Variants in WDR7 observed in about 807,000 individuals in gnomAD.
The protein encoded by WDR7 is WD repeat-containing protein 7.
Under a neutral mutation model 169.4 loss-of-function variants are expected in WDR7, and 46 were observed. The ratio of observed to expected loss-of-function variants is 0.27; its 90% CI spans 0.21 to 0.35. The LOEUF (loss-of-function observed/expected upper bound fraction) is 0.35, where lower values mean the gene tolerates loss of function less well. Among genes scored for constraint, WDR7 ranks in the 10% least tolerant of loss-of-function variants. The pLI is 1.00. For missense variants in WDR7, 1,534 were observed against 1,859.3 expected (o/e 0.83, Z 3.22); for synonymous variants, 612 against 666.8 (o/e 0.92, Z 1.27).
intron 12 of WDR7, among the ~76,000 whole-genome samples, chr18:56,704,090 A>G (rs1388140849): frequency 2.0e-5 from 3 of 152,190 alleles, no homozygotes; most frequent in Admixed American, 2.0e-4. Context: ...CTGTATGTAG[A>G]GCATATGTAA....
intron 16 of WDR7, among the ~76,000 whole-genome samples, chr18:56,772,648 T>C (rs1232210222): frequency 6.6e-6 from 1 of 151,946 alleles, no homozygotes; most frequent in Non-Finnish European, 1.5e-5. Flanking sequence ...CATAGAGATA[T>C]TTATCTCTCT....
At chr18:56,928,148 A>G (rs1459543571) in intron 22 of WDR7, among the ~76,000 whole-genome samples, 1 of 152,318 alleles carries the variant, frequency 6.6e-6, no homozygotes, top group East Asian at 1.9e-4. Context: ...TAGAACTTAA[A>G]CTGGGATTCT....
At chr18:56,936,858 A>G (rs1474237620) in intron 23 of WDR7, among the ~76,000 whole-genome samples, 2 of 152,200 alleles carry the variant, frequency 1.3e-5, no homozygotes, top group Admixed American at 1.3e-4. Flanking sequence ...ATAATGTTAT[A>G]GTAAGGTTCC....
intron 3 of WDR7, among the ~76,000 whole-genome samples, chr18:56,679,985 A>G (rs935788559): frequency 2.0e-5 from 3 of 152,178 alleles, no homozygotes; most frequent in Admixed American, 1.3e-4. Context: ...TTTTCAAAAC[A>G]TTTTTTGGTG....
chr18:57,016,408 G>C (rs972707942), intron 26 of WDR7, among the ~76,000 whole-genome samples: 3 of 152,042 alleles, frequency 2.0e-5, no homozygotes, highest in African/African-American at 7.3e-5. Context: ...TTAAGAAAAT[G>C]GTTTAGATAG....
intron 20 of WDR7, among the ~76,000 whole-genome samples, chr18:56,843,272 A>G (rs1166894917): frequency 6.6e-6 from 1 of 152,178 alleles, no homozygotes; most frequent in Non-Finnish European, 1.5e-5. Context: ...CAGCGGTGTT[A>G]AGTATGTACA....
chr18:56,957,164 A>T (rs1333577574), intron 25 of WDR7: 1 of 152,206 alleles, frequency 6.6e-6, no homozygotes, highest in African/African-American at 2.4e-5. Flanking sequence ...CAAGAATGAC[A>T]TGAGATCCAT....
intron 21 of WDR7, among the ~76,000 whole-genome samples, chr18:56,890,006 ATGTGCATT>A: frequency 6.6e-6 from 1 of 152,282 alleles, no homozygotes; most frequent in Middle Eastern, 3.4e-3. Context: ...AGCCACATTT[ATGTGCATT>A]TGTGGTTTTT....
In WDR7 at chr18:56,935,314, A is replaced by G. The variant is rs575094748; in HGVS notation, c.3714-474A>G. ...TTCAAATGAAAAATAATATACAAAC[A>G]AAAAATAATTTTGTCATTCTCAGTA... On this transcript the variant is annotated intron_variant, in intron 22 of 27. Transcript: ENST00000254442. Among the ~76,000 whole-genome samples, 5 of 152,346 alleles carry G rather than the reference A, an allele frequency of 3.3e-5. No homozygotes were observed. The East Asian group carries it at 9.6e-4, about 29-fold the overall frequency.
chr18:56,755,855 ATTCT>A (rs2043877527), intron 14 of WDR7, among the ~76,000 whole-genome samples: 1 of 152,106 alleles, frequency 6.6e-6, no homozygotes, highest in South Asian at 2.1e-4. Context: ...GTGGCTTCTT[ATTCT>A]TTCTTTTAGT....
chr18:56,752,375 G>A (rs930839874), intron 14 of WDR7, among the ~76,000 whole-genome samples: 1 of 151,978 alleles, frequency 6.6e-6, no homozygotes, highest in South Asian at 2.1e-4. Context: ...TCTTCCATGC[G>A]GGTTTCCCGG....
intron 20 of WDR7, among the ~76,000 whole-genome samples, chr18:56,828,498 TAG>T (rs2045251135): frequency 6.6e-6 from 1 of 152,174 alleles, no homozygotes; most frequent in Admixed American, 6.5e-5. Context: ...TACTAGACTT[TAG>T]AAAACATGTT....
intron 26 of WDR7, among the ~76,000 whole-genome samples, chr18:56,972,426 T>A (rs1031364758): frequency 6.6e-6 from 1 of 152,210 alleles, no homozygotes; most frequent in Non-Finnish European, 1.5e-5. Flanking sequence ...AGGGCACTTA[T>A]GTGGTGATTG....
At chr18:56,722,979 A>C (rs1350283995) in intron 13 of WDR7, among the ~76,000 whole-genome samples, 1 of 152,154 alleles carries the variant, frequency 6.6e-6, no homozygotes, top group Non-Finnish European at 1.5e-5. Context: ...GCTTCATATT[A>C]ATGTCTTAAT....
At chr18:56,991,016 C>T (rs2047805136) in intron 26 of WDR7, among the ~76,000 whole-genome samples, 1 of 152,214 alleles carries the variant, frequency 6.6e-6, no homozygotes, top group Non-Finnish European at 1.5e-5. Flanking sequence ...ATTCAGTTCC[C>T]ATTCAGGTTG....
chr18:56,991,810 A>G (rs910732943), intron 26 of WDR7, among the ~76,000 whole-genome samples: 8 of 152,268 alleles, frequency 5.3e-5, no homozygotes, highest in African/African-American at 1.9e-4. Flanking sequence ...AGCGATCTCT[A>G]AGAACAAACT....
rs2025453492 is a variant in WDR7 at position 56,686,839 on chromosome 18, A to G, written c.598-16A>G. ...AATCATGCTATTCCTAAATTTTTAC[A>G]AATCTTTCTTTTCAGGATACTGAGC... On this transcript the variant is annotated splice_polypyrimidine_tract_variant and intron_variant, in intron 6 of 27. Transcript: ENST00000254442. 3 of 1,438,628 alleles carry G rather than the reference A, an allele frequency of 2.1e-6. No individual in the cohort carries two copies. Among genetic ancestry groups the G allele is most frequent in the Non-Finnish European group, 2.8e-6 (3 of 1,077,396 alleles). 89.1% of individuals were successfully genotyped at this position (1,438,628 alleles called of 1,614,324 possible).
intron 20 of WDR7, among the ~76,000 whole-genome samples, chr18:56,865,713 T>C (rs973402193): frequency 6.6e-6 from 1 of 152,180 alleles, no homozygotes; most frequent in African/African-American, 2.4e-5. Context: ...ATCATTTAAG[T>C]ATTTGATTTC....
At chr18:56,767,050 CT>C (rs1309307312) in intron 16 of WDR7, among the ~76,000 whole-genome samples, 1 of 151,892 alleles carries the variant, frequency 6.6e-6, no homozygotes, top group Non-Finnish European at 1.5e-5. Flanking sequence ...GAAACAGTTT[CT>C]TTTTTTTCCT....
Sources: allele counts gnomAD v4.1 joint callset (sites outside exome capture counted in the v4.1 genomes callset), GRCh38; gene constraint gnomAD v4.1.1; transcripts MANE v1.5; gene names NCBI Gene and HGNC (gene_info 2026-07-23, HGNC 2026-07-21).